The following TBC1D16 variants were observed in gnomAD, a reference collection of about 807,000 sequenced individuals.
TBC1D16 encodes CTD-2529O21.1.
Under a neutral mutation model 74.7 loss-of-function variants are expected in TBC1D16, and 58 were observed. The ratio of observed to expected loss-of-function variants is 0.78; its 90% CI spans 0.63 to 0.97. The LOEUF (loss-of-function observed/expected upper bound fraction) is 0.97. Among genes scored for constraint, TBC1D16 ranks in the 50% least tolerant of loss-of-function variants. The pLI is 0.00. For missense variants in TBC1D16, 1,014 were observed against 1,079.5 expected (o/e 0.94, Z 0.85); for synonymous variants, 493 against 474.7 (o/e 1.04, Z -0.50).
intron 8 of TBC1D16, 50 bp downstream of exon 8, chr17:79,948,822 G>A (rs376763890): frequency 1.2e-6 from 2 of 1,612,086 alleles, no homozygotes; most frequent in East Asian, 2.2e-5. Flanking sequence ...GCGGTCAGGT[G>A]AGGCTTGCAG....
At chr17:80,002,183 G>A (rs1486614323) in intron 3 of TBC1D16, among the ~76,000 whole-genome samples, 1 of 152,194 alleles carries the variant, frequency 6.6e-6, no homozygotes, top group Non-Finnish European at 1.5e-5. Context: ...CCCACCAAGC[G>A]CACTGGCTCT....
At position 79,942,166 on chromosome 17, in the gene TBC1D16, G is replaced by A. The variant is rs1434942054; in HGVS notation, c.1949C>T (p.Ala650Val). The part of the protein sequence containing the change: ...FHLFICVAIV[A>V]IYGDDVIEQQ... ...CTCGATGACGTCATCCCCGTAGATGGCCACGATGGCCACGCAGATGAAAAG... is the reference window on the plus strand; with the variant it reads ...CTCGATGACGTCATCCCCGTAGATGACCACGATGGCCACGCAGATGAAAAG... Residue 650 changes from alanine to valine, a missense_variant, in exon 11 of 12, where the codon GCC becomes GTC. Ala to Val is a moderately conservative substitution (Grantham distance 64, BLOSUM62 0). Transcript: ENST00000310924. The A allele has an allele frequency of 1.9e-6, 3 of 1,607,682 alleles. No individual in the cohort carries two copies. Among genetic ancestry groups the A allele is most frequent in the South Asian group, 1.1e-5 (1 of 89,748 alleles).
intron 3 of TBC1D16, among the ~76,000 whole-genome samples, chr17:79,953,150 T>C (rs139687836): frequency 5.9e-5 from 9 of 152,256 alleles, no homozygotes; most frequent in Non-Finnish European, 1.2e-4. Flanking sequence ...CAAGCCTCTC[T>C]CAGCCTTCGT....
chr17:79,957,858 A>T (rs1304197221), intron 3 of TBC1D16, among the ~76,000 whole-genome samples: 1 of 41,350 alleles, frequency 2.4e-5, no homozygotes, highest in Non-Finnish European at 4.7e-5. Flanking sequence ...ACATCTATTA[A>T]AAAAAAAAAA....
In TBC1D16 at chr17:80,013,369, G is replaced by A; in HGVS notation, c.179C>T (p.Pro60Leu). Residue 60 changes from proline to leucine, a missense_variant and splice_region_variant, in exon 2 of 12, where the codon CCA becomes CTA. By Grantham distance (98) the Pro-to-Leu change is moderately conservative. Coordinates refer to ENST00000310924, the MANE Select transcript of TBC1D16 (RefSeq NM_019020.4). The part of the protein sequence containing the change: ...EGLQGLGEHH[P>L]GYLCLYMEKD... The stretch of plus-strand genomic sequence containing the variant: ...GAGCCTCGCCTGCCCTGGCTCACCT[G>A]GGTGGTGCTCCCCCAGCCCCTGCAG... 6.2e-7 allele frequency: 1 copy of A among 1,602,848 alleles called. No individual in the cohort carries two copies. The highest frequency in any genetic ancestry group is 1.3e-5 in the African/African-American group (1 of 74,914).
chr17:80,010,231 G>A lies in TBC1D16; in HGVS notation c.708C>T (p.Pro236=). 1.2e-6 allele frequency: 2 copies of A among 1,613,394 alleles called. No homozygotes were observed. Among genetic ancestry groups the A allele is most frequent in the Non-Finnish European group, 1.7e-6 (2 of 1,179,826 alleles). ...FDSDSDTFSS[P]FCLSPISAAL... is the part of the protein sequence containing the mutation. The stretch of plus-strand genomic sequence containing the variant: ...CCGCGCTGATGGGCGAGAGGCAGAA[G>A]GGCGAGGAGAAGGTGTCTGAGTCTG... Residue 236 remains proline, a synonymous_variant, in exon 3 of 12, where the codon CCC becomes CCT. Coordinates refer to ENST00000310924, the MANE Select transcript of TBC1D16 (RefSeq NM_019020.4). This position sits in a 1 kb window ranked among gnomAD's most constrained non-coding sequence, Gnocchi z 8.8.
At chr17:79,966,113 G>GT (rs770044450) in intron 3 of TBC1D16, among the ~76,000 whole-genome samples, 3 of 152,212 alleles carry the variant, frequency 2.0e-5, no homozygotes, top group East Asian at 3.8e-4. Flanking sequence ...GCTTCGGGCA[G>GT]TTCCTGGCAA....
intron 9 of TBC1D16, 100 bp from the exon 10 acceptor site, chr17:79,945,187 C>T (rs2032415975): frequency 3.0e-6 from 4 of 1,316,376 alleles, no homozygotes; most frequent in Non-Finnish European, 4.1e-6. Flanking sequence ...GCCACCCCAG[C>T]CTGGAAAAGC....
intron 1 of TBC1D16, among the ~76,000 whole-genome samples, chr17:80,016,261 G>A (rs926134688): frequency 2.0e-5 from 3 of 151,728 alleles, no homozygotes; most frequent in Non-Finnish European, 4.4e-5. Flanking sequence ...AGGGGGTGAG[G>A]TGGGGGGAAT....
intron 8 of TBC1D16, 62 bp from the exon 9 acceptor site, chr17:79,947,893 C>T: frequency 7.8e-6 from 11 of 1,415,934 alleles, no homozygotes; most frequent in Non-Finnish European, 8.8e-6. Context: ...ACTGCCCAGC[C>T]TGCAGAACCC....
At position 80,009,587 on chromosome 17, in the gene TBC1D16, C is replaced by T. The variant is rs553644451; in HGVS notation, c.779+573G>A. Among the ~76,000 whole-genome samples, 92 of 152,344 alleles carry T rather than the reference C, an allele frequency of 6.0e-4. No individual in the cohort carries two copies. The highest frequency in any genetic ancestry group is 6.8e-3 in the Middle Eastern group (2 of 294). On this transcript the variant is annotated intron_variant, in intron 3 of 11. Transcript: ENST00000310924. This position sits in a 1 kb window ranked among gnomAD's most constrained non-coding sequence, Gnocchi z 5.4. ...TGCCAAGTCGGGTGAATATGGTCAACACTGCCCCGGGACTACATCCATCCT... is the reference window on the plus strand; with the variant it reads ...TGCCAAGTCGGGTGAATATGGTCAATACTGCCCCGGGACTACATCCATCCT...
At chr17:79,962,650 C>T (rs2033668052) in intron 3 of TBC1D16, among the ~76,000 whole-genome samples, 1 of 152,004 alleles carries the variant, frequency 6.6e-6, no homozygotes, top group Non-Finnish European at 1.5e-5. Flanking sequence ...CAATAGCTTC[C>T]AGGCCAGGCG....
intron 1 of TBC1D16, among the ~76,000 whole-genome samples, chr17:80,031,954 A>C (rs1020474822): frequency 1.3e-5 from 2 of 152,230 alleles, no homozygotes; most frequent in Non-Finnish European, 2.9e-5. Flanking sequence ...CATATTAACA[A>C]CACCCAAAAG....
At chr17:79,978,240 G>A (rs1356380620) in intron 3 of TBC1D16, among the ~76,000 whole-genome samples, 4 of 152,232 alleles carry the variant, frequency 2.6e-5, no homozygotes, top group Non-Finnish European at 4.4e-5. Flanking sequence ...CGGCATGGGC[G>A]GCACACTCCC....
Position 79,944,114 on chromosome 17 carries a change from T to G in TBC1D16, c.1908+794A>C, listed in dbSNP as rs1447330876. On this transcript the variant is annotated intron_variant, in intron 10 of 11. Transcript: ENST00000310924. The surrounding 1 kb of genome is among the most constrained non-coding windows in gnomAD (Gnocchi z 7.7). ...TTCATCAGACATCAGCCCCCTGCGG[T>G]GTGAGTGAGGACAGGAGACGCTGAC... 6.5e-7 allele frequency: 1 copy of G among 1,535,612 alleles called. No individual in the cohort carries two copies. Among genetic ancestry groups the G allele is most frequent in the East Asian group, 2.4e-5 (1 of 40,900 alleles).
At chr17:79,952,564 C>T in intron 4 of TBC1D16, 93 bp downstream of exon 4, 1 of 1,469,026 alleles carries the variant, frequency 6.8e-7, no homozygotes. Context: ...CCCTGTGTCC[C>T]CAAGCCGTGC....
chr17:79,965,080 T>C (rs1312812396), intron 3 of TBC1D16, among the ~76,000 whole-genome samples: 1 of 91,266 alleles, frequency 1.1e-5, no homozygotes, highest in Non-Finnish European at 2.1e-5. Context: ...TAATTTTCTG[T>C]ATTAATTTTT....
intron 1 of TBC1D16, among the ~76,000 whole-genome samples, chr17:80,014,130 A>G (rs141395905): frequency 0.013 from 2,006 of 152,298 alleles, 20 homozygotes; most frequent in South Asian, 0.042. Flanking sequence ...GCTGAGGCAG[A>G]CAGATCACTT....
At chr17:80,005,992 A>AC (rs1441953354) in intron 3 of TBC1D16, among the ~76,000 whole-genome samples, 1 of 151,878 alleles carries the variant, frequency 6.6e-6, no homozygotes, top group Non-Finnish European at 1.5e-5. Context: ...ACTAGAGGGG[A>AC]CCCTCGAGCC....
Sources: allele counts gnomAD v4.1 joint callset (sites outside exome capture counted in the v4.1 genomes callset), GRCh38; gene constraint gnomAD v4.1.1; non-coding constraint Gnocchi (gnomAD v3.1); transcripts MANE v1.5; gene names NCBI Gene and HGNC (gene_info 2026-07-23, HGNC 2026-07-21).